The following SOCS7 variants were observed in gnomAD, a reference collection of about 807,000 sequenced individuals.
SOCS7 encodes the protein NAP-4.
A neutral mutation model predicts 58.9 loss-of-function variants in SOCS7; 18 were observed. The ratio of observed to expected loss-of-function variants is 0.31; its 90% confidence interval spans 0.21 to 0.45. The LOEUF (loss-of-function observed/expected upper bound fraction) is 0.45, where lower values mean the gene tolerates loss of function less well. Among genes scored for constraint, SOCS7 ranks in the 20% least tolerant of loss-of-function variants. SOCS7 has a pLI of 1.00. For missense variants in SOCS7, 667 were observed against 837.3 expected (o/e 0.80, Z 2.51); for synonymous variants, 388 against 364.3 (o/e 1.06, Z -0.74).
intron 1 of SOCS7, among the ~76,000 whole-genome samples, chr17:38,354,007 A>G (rs189391628): frequency 1.3e-5 from 2 of 152,354 alleles, no homozygotes; most frequent in Non-Finnish European, 2.9e-5. Context: ...AGACAGGTAC[A>G]TGAGTTCTAG....
rs569374458 is a variant in SOCS7 at position 38,399,590 on chromosome 17, G to C, written c.*108G>C. 5.9e-5 allele frequency: 9 copies of C among 152,780 alleles called. No individual in the cohort carries two copies. Among genetic ancestry groups the C allele is most frequent in the African/African-American group, 1.7e-4 (7 of 41,574 alleles). The allele number at this position is 152,780 out of a possible 1,614,324, so 9.5% of individuals were successfully genotyped here. On this transcript the variant is annotated 3_prime_UTR_variant, in exon 10 of 10. Transcript: ENST00000612932. ...AAGAAGAGGAAAAGTGAGGGAACAG[G>C]AAGGTTGGGATTCTCTGTGCAGAGA... is the stretch of plus-strand genomic sequence containing the variant.
chr17:38,388,638 A>G (rs2038111925), intron 7 of SOCS7, among the ~76,000 whole-genome samples: 1 of 152,234 alleles, frequency 6.6e-6, no homozygotes, highest in African/African-American at 2.4e-5. Flanking sequence ...ACCTCAGACT[A>G]TTAGCAGTTA....
At chr17:38,373,106 C>CAA (rs372032423) in intron 6 of SOCS7, among the ~76,000 whole-genome samples, 3 of 113,076 alleles carry the variant, frequency 2.7e-5, no homozygotes, top group African/African-American at 9.6e-5. Flanking sequence ...AACTCTGTCT[C>CAA]AAAAAAAAAA....
rs774696887 is a variant in SOCS7 at position 38,365,426 on chromosome 17, G to T, written c.1252+17G>T. The T allele has an allele frequency of 2.2e-5, 34 of 1,546,504 alleles. No individual in the cohort carries two copies. The highest frequency in any genetic ancestry group is 3.0e-5 in the Non-Finnish European group (34 of 1,128,922). ...ATGCCCCAGGTTAGCTTAGTTTAGA[G>T]GCAAGACTTGTAAGAGTTGGGAGTA... On this transcript the variant is annotated intron_variant, in intron 4 of 9. Transcript: ENST00000612932.
rs1555568346 is a variant in SOCS7, at chr17:38,366,351, C to T, written c.1317C>T (p.His439=). 1.1e-5 allele frequency: 17 copies of T among 1,614,226 alleles called. No homozygotes were observed. The highest frequency in any genetic ancestry group is 1.4e-5 in the Non-Finnish European group (16 of 1,180,040). ...CCCTGCACAGCCAACCCCCACAGCA[C>T]CTCCAGTGTCCCCTCTACCGGCCTG... ...AESLHSQPPQ[H]LQCPLYRPDS... The change falls in exon 5 of 10, where the codon CAC becomes CAT. Residue 439 remains histidine, a synonymous_variant. Transcript: ENST00000612932.
rs117757840 is a variant in SOCS7, at chr17:38,396,456, G to A, written c.*30+458G>A. The stretch of plus-strand genomic sequence containing the variant: ...TGCAAACATGCCTTTAATTGCAACA[G>A]GCATGCACTTCAGTGAGACTCCACC... On this transcript the variant is annotated intron_variant, in intron 9 of 9. Transcript: ENST00000612932. 6.4e-3 allele frequency among the ~76,000 whole-genome samples: 972 copies of A among 152,298 alleles called. 6 individuals carry two copies. Among genetic ancestry groups the A allele is most frequent in the Non-Finnish European group, 0.011 (719 of 68,042 alleles).
intron 6 of SOCS7, among the ~76,000 whole-genome samples, chr17:38,372,430 T>C (rs2037879477): frequency 6.6e-6 from 1 of 152,258 alleles, no homozygotes; most frequent in Admixed American, 6.5e-5. Context: ...ATACTGGGTG[T>C]ACTACCGTAA....
intron 7 of SOCS7, among the ~76,000 whole-genome samples, chr17:38,378,117 A>T (rs1051195308): frequency 2.6e-5 from 4 of 152,162 alleles, no homozygotes; most frequent in African/African-American, 9.7e-5. Flanking sequence ...TGACATTTGG[A>T]GGTATCCCTG....
At chr17:38,385,229 C>T (rs1453802362) in intron 7 of SOCS7, among the ~76,000 whole-genome samples, 1 of 151,706 alleles carries the variant, frequency 6.6e-6, no homozygotes, top group African/African-American at 2.4e-5. Context: ...TTTCTTCCTC[C>T]ATTTCTTTTT....
chr17:38,361,574 G>A, intron 1 of SOCS7, 137 bp from the exon 2 acceptor site: 1 of 748,550 alleles, frequency 1.3e-6, no homozygotes, highest in Non-Finnish European at 2.4e-6. Flanking sequence ...ATTTTATGCT[G>A]TATTACAAGA....
intron 7 of SOCS7, among the ~76,000 whole-genome samples, chr17:38,392,125 T>G (rs957525878): frequency 3.9e-5 from 6 of 152,202 alleles, no homozygotes; most frequent in Non-Finnish European, 8.8e-5. Context: ...GTTAGCATGC[T>G]CTAAATGTGA....
chr17:38,379,367 T>C (rs1308622062), intron 7 of SOCS7, among the ~76,000 whole-genome samples: 5 of 151,752 alleles, frequency 3.3e-5, no homozygotes, highest in South Asian at 4.2e-4. Context: ...TAATCCCAGC[T>C]ACTCAGGAGG....
intron 6 of SOCS7, among the ~76,000 whole-genome samples, chr17:38,375,100 C>T (rs2037914428): frequency 6.6e-6 from 1 of 152,144 alleles, no homozygotes; most frequent in Non-Finnish European, 1.5e-5. Context: ...GAGGCTAGGG[C>T]AGGAGGATCA....
At position 38,364,765 on chromosome 17, in the gene SOCS7, G is replaced by A. The variant is rs772786165; in HGVS notation, c.1059G>A (p.Ser353=). The A allele has an allele frequency of 1.2e-6, 2 of 1,613,820 alleles. No homozygotes were observed. Among genetic ancestry groups the A allele is most frequent in the South Asian group, 1.1e-5 (1 of 91,050 alleles). The change falls in exon 3 of 10, where the codon TCG becomes TCA. Residue 353 remains serine, a synonymous_variant. Transcript: ENST00000612932. The part of the protein sequence containing the change: ...FSPLFTGETV[S]LVDVDISQRG... Reference sequence around the variant, plus strand: ...TGAATCCCTCAGGTGAAACTGTGTCGCTTGTGGATGTGGACATTTCTCAGC... The same window carrying A: ...TGAATCCCTCAGGTGAAACTGTGTCACTTGTGGATGTGGACATTTCTCAGC...
rs762800266 is a variant in SOCS7, at chr17:38,366,327, C to A, written c.1293C>A (p.Ser431=). ...PRIAPIRAAE[S]LHSQPPQHLQ... is the part of the protein sequence containing the mutation. ...TTGCTCCCATCCGAGCAGCTGAATCCCTGCACAGCCAACCCCCACAGCACC... is the reference window on the plus strand; with the variant it reads ...TTGCTCCCATCCGAGCAGCTGAATCACTGCACAGCCAACCCCCACAGCACC... The change falls in exon 5 of 10, where the codon TCC becomes TCA. Residue 431 remains serine, a synonymous_variant. Transcript: ENST00000612932. The A allele has an allele frequency of 6.2e-7, 1 of 1,614,160 alleles. No homozygotes were observed. The highest frequency in any genetic ancestry group is 2.2e-5 in the East Asian group (1 of 44,888).
At chr17:38,382,392 T>C (rs1183920948) in intron 7 of SOCS7, among the ~76,000 whole-genome samples, 4 of 145,712 alleles carry the variant, frequency 2.7e-5, no homozygotes, top group African/African-American at 1.0e-4. Context: ...GAGCTGTGAT[T>C]GCACCACCAC....
At chr17:38,381,754 A>G (rs1034752470) in intron 7 of SOCS7, among the ~76,000 whole-genome samples, 2 of 151,726 alleles carry the variant, frequency 1.3e-5, no homozygotes, top group African/African-American at 4.8e-5. Flanking sequence ...GCCTGAGCTC[A>G]GGAGTTCAAG....
intron 7 of SOCS7, among the ~76,000 whole-genome samples, chr17:38,381,589 T>G (rs1459020623): frequency 2.6e-5 from 4 of 151,820 alleles, no homozygotes; most frequent in Admixed American, 6.6e-5. Context: ...GAAACTGAGG[T>G]CCAGTGAGTT....
intron 7 of SOCS7, among the ~76,000 whole-genome samples, chr17:38,394,563 G>A (rs548100962): frequency 3.7e-4 from 57 of 152,220 alleles, no homozygotes; most frequent in African/African-American, 1.3e-3. Context: ...TCCTCTGAAC[G>A]GCTTTTCTGG....
Sources: gnomAD v4.1 joint callset for allele counts (sites outside exome capture counted in the v4.1 genomes callset) on GRCh38, gnomAD v4.1.1 for gene constraint, MANE v1.5 for transcripts, NCBI Gene and HGNC (gene_info 2026-07-23, HGNC 2026-07-21) for gene names.